Variants in LNPEP observed in about 807,000 individuals in gnomAD.
The protein encoded by LNPEP is leucyl-cystinyl aminopeptidase.
In LNPEP, 64 loss-of-function variants were observed where a neutral mutation model predicts 120.6. The ratio of observed to expected loss-of-function variants is 0.53; its 90% confidence interval spans 0.43 to 0.65. LNPEP has a LOEUF of 0.65. Among genes scored for constraint, LNPEP ranks in the 30% least tolerant of loss-of-function variants. LNPEP has a pLI of 0.00. For missense variants in LNPEP, 1,057 were observed against 1,200.0 expected, an observed-to-expected ratio of 0.88 and a Z score of 1.76; for synonymous variants, 435 against 425.4, an observed-to-expected ratio of 1.02 and a Z score of -0.28.
At chr5:97,006,567 G>C in intron 11 of LNPEP, 52 bp downstream of exon 11, 1 of 955,426 alleles carries the variant, frequency 1.0e-6, no homozygotes, top group Non-Finnish European at 1.7e-6. Flanking sequence ...TTAAAAATCT[G>C]ATCAGAGTGC....
intron 1 of LNPEP, chr5:96,943,331 T>C (rs1240894407): frequency 6.4e-6 from 1 of 157,228 alleles, no homozygotes; most frequent in African/African-American, 2.4e-5. Context: ...AGGGTCTTGC[T>C]TGGCTGGAGT....
At chr5:96,980,686 A>C in intron 2 of LNPEP, among the ~76,000 whole-genome samples, 1 of 152,194 alleles carries the variant, frequency 6.6e-6, no homozygotes, top group East Asian at 1.9e-4. Context: ...TAGCAGTGAT[A>C]TCAGTTGTCT....
rs940380736 is a variant in LNPEP at position 96,983,505 on chromosome 5, G to A, written c.861-1575G>A. On this transcript the variant is annotated intron_variant, in intron 2 of 17. Transcript: ENST00000231368. ...CTGTCGCCCAGGTTGGAGTGCAGTG[G>A]TGCAATCTTGGCTGACTGCAGCCTC... Among the ~76,000 whole-genome samples the A allele has an allele frequency of 3.3e-5, 5 of 152,230 alleles. No homozygotes were observed. In the East Asian group the frequency reaches 9.6e-4, roughly 29 times the overall value.
intron 1 of LNPEP, among the ~76,000 whole-genome samples, chr5:96,946,381 G>A (rs992046058): frequency 1.3e-5 from 2 of 152,234 alleles, no homozygotes; most frequent in African/African-American, 4.8e-5. Flanking sequence ...AGAGGGTCTA[G>A]TGTGACTTGG....
chr5:96,956,129 A>G (rs1789461464), intron 1 of LNPEP, among the ~76,000 whole-genome samples: 1 of 152,176 alleles, frequency 6.6e-6, no homozygotes, highest in African/African-American at 2.4e-5. Context: ...ATTCCTTTAC[A>G]TTGGATTATT....
intron 2 of LNPEP, 122 bp downstream of exon 2, chr5:96,980,100 A>G: frequency 1.2e-6 from 1 of 857,102 alleles, no homozygotes; most frequent in Non-Finnish European, 1.8e-6. Flanking sequence ...AGTTATATAC[A>G]AAATAGTAGA....
At chr5:96,976,604 A>G (rs1488222929) in intron 1 of LNPEP, among the ~76,000 whole-genome samples, 1 of 152,166 alleles carries the variant, frequency 6.6e-6, no homozygotes, top group African/African-American at 2.4e-5. Context: ...TCAGAAATAT[A>G]GTAAATAAAA....
rs1791225525 is a variant in LNPEP at position 97,022,411 on chromosome 5, C to T, written c.2488C>T (p.His830Tyr). The T allele has an allele frequency of 6.2e-7, 1 of 1,613,980 alleles. No homozygotes were observed. Among genetic ancestry groups the T allele is most frequent in the African/African-American group, 1.3e-5 (1 of 74,916 alleles). Residue 830 changes from histidine to tyrosine, a missense_variant, in exon 14 of 18, where the codon CAC (histidine) becomes TAC (tyrosine). Transcript: ENST00000231368. ...RSALLEFACTHNLGNCSTTAM... is the reference protein window; with the variant it reads ...RSALLEFACTYNLGNCSTTAM... ...AGCCCTGCTAGAGTTTGCTTGCACC[C>T]ACAACCTGGGGAACTGCTCTACTAC...
At chr5:97,003,954 G>T (rs1435554284) in intron 9 of LNPEP, among the ~76,000 whole-genome samples, 2 of 151,934 alleles carry the variant, frequency 1.3e-5, no homozygotes. Context: ...TCTGTACTCT[G>T]CTCTATGAAT....
intron 1 of LNPEP, among the ~76,000 whole-genome samples, chr5:96,975,485 T>G (rs965738673): frequency 2.0e-5 from 3 of 152,102 alleles, no homozygotes; most frequent in Admixed American, 6.6e-5. Flanking sequence ...AATCATACCC[T>G]CCTCTTTATT....
intron 15 of LNPEP, among the ~76,000 whole-genome samples, chr5:97,025,533 T>C (rs868056461): frequency 2.1e-4 from 32 of 152,230 alleles, no homozygotes; most frequent in African/African-American, 7.5e-4. Flanking sequence ...ATTTAAACAG[T>C]ACCTAAGAAT....
intron 2 of LNPEP, among the ~76,000 whole-genome samples, chr5:96,984,275 T>C (rs1300986282): frequency 6.6e-6 from 1 of 152,228 alleles, no homozygotes; most frequent in Non-Finnish European, 1.5e-5. Context: ...TTCTAAACTA[T>C]ATGTTTACGT....
At chr5:97,021,923 G>GTTTTTTTTTTTTTTTTT (rs1165456605) in intron 13 of LNPEP, among the ~76,000 whole-genome samples, 5 of 57,172 alleles carry the variant, frequency 8.7e-5, no homozygotes, top group Non-Finnish European at 1.2e-4. Context: ...TTTGTCTTTT[G>GTTTTTTTTTTTTTTTTT]TTTTTTTTTT....
intron 11 of LNPEP, among the ~76,000 whole-genome samples, chr5:97,008,621 G>T (rs1490283813): frequency 2.1e-5 from 3 of 146,136 alleles, no homozygotes; most frequent in Non-Finnish European, 4.5e-5. Context: ...CAAAGTGTTG[G>T]GATTACAGGC....
chr5:96,986,769 A>C, intron 4 of LNPEP, 99 bp downstream of exon 4: 5 of 1,093,658 alleles, frequency 4.6e-6, no homozygotes, highest in Non-Finnish European at 6.5e-6. Flanking sequence ...GAAATAAATA[A>C]GCTTTTAGAT....
At chr5:96,993,368 G>A (rs1411864429) in intron 5 of LNPEP, among the ~76,000 whole-genome samples, 1 of 152,188 alleles carries the variant, frequency 6.6e-6, no homozygotes, top group Admixed American at 6.6e-5. Flanking sequence ...TGCTGTATAA[G>A]TGGGAATTTG....
At chr5:97,011,733 A>T (rs1213209213) in intron 11 of LNPEP, among the ~76,000 whole-genome samples, 1 of 152,234 alleles carries the variant, frequency 6.6e-6, no homozygotes, top group Non-Finnish European at 1.5e-5. Context: ...AATAAACCTT[A>T]TTTAACTGAT....
chr5:97,024,734 C>T (rs1460125172), intron 15 of LNPEP, 52 bp downstream of exon 15: 11 of 1,520,096 alleles, frequency 7.2e-6, no homozygotes, highest in African/African-American at 5.5e-5. Flanking sequence ...AATACAAACA[C>T]TGTGCTCTTG....
chr5:97,012,339 A>G (rs1790952539), intron 11 of LNPEP, among the ~76,000 whole-genome samples: 1 of 152,184 alleles, frequency 6.6e-6, no homozygotes, highest in Non-Finnish European at 1.5e-5. Flanking sequence ...AGTTTAGATT[A>G]TTCTTATCTC....
Sources: gnomAD v4.1 joint callset for allele counts (sites outside exome capture counted in the v4.1 genomes callset) on GRCh38, gnomAD v4.1.1 for gene constraint, MANE v1.5 for transcripts, NCBI Gene and HGNC (gene_info 2026-07-23, HGNC 2026-07-21) for gene names.